The following PCDH15 variants were observed in gnomAD, a reference collection of about 807,000 sequenced individuals.
PCDH15 encodes the protein protocadherin related 15, also known as protocadherin-15.
PCDH15 carries 129 observed loss-of-function variants against 178.5 expected under a neutral mutation model. The observed-to-expected ratio is 0.72, with a 90% confidence interval of 0.63 to 0.84. PCDH15 has a LOEUF of 0.84. Among genes scored for constraint, PCDH15 ranks in the 40% least tolerant of loss-of-function variants. The probability of loss-of-function intolerance (pLI) is 0.00; values close to 1 mark genes in which losing one functional copy is unlikely to be tolerated. For synonymous variants in PCDH15, 800 were observed against 732.0 expected, an observed-to-expected ratio of 1.09 and a Z score of -1.50; for missense variants, 2,230 against 2,099.9, an observed-to-expected ratio of 1.06 and a Z score of -1.21.
chr10:53,962,123 G>T (rs766421045), intron 21 of PCDH15, among the ~76,000 whole-genome samples: 2 of 152,072 alleles, frequency 1.3e-5, no homozygotes, highest in East Asian at 3.9e-4. Context: ...ATTTATATGA[G>T]AGAAAAATTA....
At chr10:53,888,203 C>T (rs1376358236) in intron 26 of PCDH15, among the ~76,000 whole-genome samples, 3 of 148,590 alleles carry the variant, frequency 2.0e-5, no homozygotes, top group African/African-American at 2.5e-5. Flanking sequence ...AATATGTTCA[C>T]CTCTGCTCAA....
intron 1 of PCDH15, among the ~76,000 whole-genome samples, chr10:55,278,749 T>A (rs1157294769): frequency 6.6e-6 from 1 of 152,178 alleles, no homozygotes. Flanking sequence ...ACAAGACAAA[T>A]GAAAAATACC....
chr10:55,617,281 T>C (rs1843498584), intron 2 of PCDH15, among the ~76,000 whole-genome samples: 1 of 152,092 alleles, frequency 6.6e-6, no homozygotes, highest in Non-Finnish European at 1.5e-5. Flanking sequence ...CAAGAGAGCA[T>C]AACCAGATCC....
chr10:54,771,643 A>C (rs1230001062), intron 1 of PCDH15, among the ~76,000 whole-genome samples: 2 of 152,142 alleles, frequency 1.3e-5, no homozygotes, highest in Non-Finnish European at 2.9e-5. Flanking sequence ...AGAGTTTAAC[A>C]AAATTGCCAA....
chr10:55,195,580 G>A (rs940685013), intron 1 of PCDH15, among the ~76,000 whole-genome samples: 5 of 150,056 alleles, frequency 3.3e-5, no homozygotes, highest in African/African-American at 7.4e-5. Flanking sequence ...TCTTAAACCC[G>A]GAAGGCGGAG....
At position 55,364,481 on chromosome 10, in the gene PCDH15, T is replaced by C. The variant is rs577603961; in HGVS notation, c.-155-197830A>G. ...TCTTTCGTATATAATGTATTTTTTT[T>C]CTGGATGTTTACAACATTTATTTAT... On this transcript the variant is annotated intron_variant, in intron 2 of 5. Transcript: ENST00000613346. Among the ~76,000 whole-genome samples, 11 of 152,290 alleles carry C rather than the reference T, an allele frequency of 7.2e-5. No individual in the cohort carries two copies. The South Asian group carries it at 2.3e-3, about 32-fold the overall frequency.
chr10:55,297,737 G>A (rs1482637778), intron 1 of PCDH15, among the ~76,000 whole-genome samples: 2 of 152,156 alleles, frequency 1.3e-5, no homozygotes, highest in Non-Finnish European at 2.9e-5. Flanking sequence ...CAGCCTATCT[G>A]ACCTCTAGGA....
At position 54,176,166 on chromosome 10, in the gene PCDH15, C is replaced by A. The variant is rs553949764; in HGVS notation, c.1590+7278G>T. On this transcript the variant is annotated intron_variant, in intron 13 of 37. Transcript: ENST00000644397. ...GTACATTAGTCGAGGGAATTAAATTCTATGGACATTAACTGAATTCCTACT... is the reference window on the plus strand; with the variant it reads ...GTACATTAGTCGAGGGAATTAAATTATATGGACATTAACTGAATTCCTACT... Among the ~76,000 whole-genome samples the A allele has an allele frequency of 1.6e-4, 24 of 152,160 alleles. 1 individual carries two copies. The highest frequency in any genetic ancestry group is 3.2e-4 in the Non-Finnish European group (22 of 67,988).
chr10:54,039,144 CA>C (rs200517760), intron 18 of PCDH15, among the ~76,000 whole-genome samples: 1,712 of 151,916 alleles, frequency 0.011, 17 homozygotes, highest in Non-Finnish European at 0.019. Context: ...TTCAGAAAAA[CA>C]AAAAATAAGT....
intron 5 of PCDH15, among the ~76,000 whole-genome samples, chr10:54,352,598 CG>C (rs1944351471): frequency 6.6e-6 from 1 of 151,938 alleles, no homozygotes; most frequent in African/African-American, 2.4e-5. Flanking sequence ...GAAATGCTAC[CG>C]GGGTGGCAGG....
At chr10:54,103,925 AC>A (rs928801001) in intron 15 of PCDH15, among the ~76,000 whole-genome samples, 4 of 152,110 alleles carry the variant, frequency 2.6e-5, no homozygotes, top group Admixed American at 1.3e-4. Flanking sequence ...AATTAAAAAA[AC>A]ATAACAAAAC....
At chr10:54,541,017 T>G (rs1258357576) in intron 2 of PCDH15, among the ~76,000 whole-genome samples, 3 of 152,092 alleles carry the variant, frequency 2.0e-5, no homozygotes, top group African/African-American at 7.2e-5. Context: ...CTCAAAATAA[T>G]AGGAGCCATA....
chr10:55,324,701 T>C (rs1843987324), intron 2 of PCDH15, among the ~76,000 whole-genome samples: 1 of 152,054 alleles, frequency 6.6e-6, no homozygotes, highest in Non-Finnish European at 1.5e-5. Flanking sequence ...TTTTTTAGTT[T>C]AATTCAGGGC....
At chr10:55,321,511 C>A (rs148337790), upstream of PCDH15, among the ~76,000 whole-genome samples, 1 of 152,126 alleles carries the variant, frequency 6.6e-6, no homozygotes, top group East Asian at 1.9e-4. Context: ...ATAACCCCTG[C>A]AAAATACTAC....
intron 21 of PCDH15, among the ~76,000 whole-genome samples, chr10:53,977,265 G>A (rs184039904): frequency 6.6e-6 from 1 of 152,100 alleles, no homozygotes; most frequent in Non-Finnish European, 1.5e-5. Context: ...CACATTGGAA[G>A]AAGAATTATC....
chr10:55,342,966 A>G (rs528010704), intron 2 of PCDH15, among the ~76,000 whole-genome samples: 148 of 152,216 alleles, frequency 9.7e-4, no homozygotes, highest in Non-Finnish European at 1.8e-3. Context: ...CAAATTTCCT[A>G]TACTCCAAAT....
chr10:54,314,710 T>C (rs1372718866), intron 8 of PCDH15, among the ~76,000 whole-genome samples: 1 of 151,968 alleles, frequency 6.6e-6, no homozygotes, highest in Non-Finnish European at 1.5e-5. Flanking sequence ...CAAATAGACT[T>C]CAGGGTCTGT....
At chr10:54,576,819 C>G (rs1025565830) in intron 2 of PCDH15, among the ~76,000 whole-genome samples, 18 of 152,072 alleles carry the variant, frequency 1.2e-4, no homozygotes, top group African/African-American at 4.1e-4. Flanking sequence ...CATTAGTACT[C>G]AAAGTAAAAG....
chr10:54,308,930 T>C (rs1476950118), intron 8 of PCDH15, among the ~76,000 whole-genome samples: 4 of 152,090 alleles, frequency 2.6e-5, no homozygotes, highest in Admixed American at 1.3e-4. Context: ...TCACATCATA[T>C]GTTGACTCTA....
Sources: allele counts gnomAD v4.1 joint callset (sites outside exome capture counted in the v4.1 genomes callset), GRCh38; gene constraint gnomAD v4.1.1; transcripts MANE v1.5; gene names NCBI Gene and HGNC (gene_info 2026-07-23, HGNC 2026-07-21).